PPARD: variants seen among roughly 807,000 people sequenced by gnomAD.
PPARD encodes the protein peroxisome proliferator activated receptor delta.
Under a neutral mutation model 39.5 loss-of-function variants are expected in PPARD, and 6 were observed. That is an observed-to-expected ratio of 0.15 (90% CI 0.08 to 0.30). The LOEUF (loss-of-function observed/expected upper bound fraction) is 0.30. PPARD is among the 10% of genes least tolerant of loss of function. The pLI is 1.00. For synonymous variants in PPARD, 210 were observed against 231.3 expected (o/e 0.91, Z 0.83); for missense variants, 397 against 596.8 (o/e 0.67, Z 3.49).
In PPARD at chr6:35,366,604, C is replaced by G. The variant is rs1762219354; in HGVS notation, c.-102+19454C>G. On this transcript the variant is annotated intron_variant, in intron 2 of 7. Transcript: ENST00000360694. This position sits in a 1 kb window ranked among gnomAD's most constrained non-coding sequence, Gnocchi z 4.6. ...TCACTCTGTCACCCAGGCTGGAGTG[C>G]AGTGGCATGATCTCGGCTCACTGCA... is the stretch of plus-strand genomic sequence containing the variant. Among the ~76,000 whole-genome samples, 1 of 151,092 alleles carries G rather than the reference C, an allele frequency of 6.6e-6. No individual in the cohort carries two copies. Among genetic ancestry groups the G allele is most frequent in the African/African-American group, 2.5e-5 (1 of 40,756 alleles).
At chr6:35,355,868 C>A (rs530847533) in intron 2 of PPARD, among the ~76,000 whole-genome samples, 2 of 151,758 alleles carry the variant, frequency 1.3e-5, no homozygotes, top group Admixed American at 1.3e-4. Context: ...GTCTCAGCCT[C>A]CCAAAGTGCT....
At chr6:35,383,925 C>A (rs1394994717) in intron 2 of PPARD, among the ~76,000 whole-genome samples, 1 of 137,962 alleles carries the variant, frequency 7.2e-6, no homozygotes, top group Non-Finnish European at 1.5e-5. Flanking sequence ...GCCACCCCGT[C>A]CGGGAGGGAG....
intron 2 of PPARD, among the ~76,000 whole-genome samples, chr6:35,386,800 T>C (rs1033110254): frequency 3.3e-5 from 5 of 152,040 alleles, no homozygotes; most frequent in East Asian, 1.9e-4. Flanking sequence ...GCTGTAGTCT[T>C]TCTCCTACCA....
intron 2 of PPARD, among the ~76,000 whole-genome samples, chr6:35,347,908 CTTT>C (rs149146314): frequency 1.6e-5 from 2 of 122,070 alleles, no homozygotes; most frequent in Non-Finnish European, 1.7e-5. Context: ...CGCACCTGGC[CTTT>C]TTTTTTTTTT....
intron 2 of PPARD, among the ~76,000 whole-genome samples, chr6:35,387,017 G>C (rs896149143): frequency 1.3e-5 from 2 of 151,692 alleles, no homozygotes; most frequent in East Asian, 3.9e-4. Context: ...ATATAAACTG[G>C]AAATTGATCC....
rs943335600 is a variant in PPARD at position 35,397,123 on chromosome 6, C to T, written c.-101-13864C>T. 3.0e-4 allele frequency among the ~76,000 whole-genome samples: 45 copies of T among 152,052 alleles called. 1 individual carries two copies. The highest frequency in any genetic ancestry group is 3.9e-4 in the Admixed American group (6 of 15,252). On this transcript the variant is annotated intron_variant, in intron 2 of 7. Transcript: ENST00000360694. Reference sequence around the variant, plus strand: ...AGGTGCAGGTACTGACTGGTCTTATCTTTCGCCCTGAAAATATAAACGTTT... The same window carrying T: ...AGGTGCAGGTACTGACTGGTCTTATTTTTCGCCCTGAAAATATAAACGTTT...
At chr6:35,419,687 C>G (rs1235805794) in intron 3 of PPARD, among the ~76,000 whole-genome samples, 1 of 152,214 alleles carries the variant, frequency 6.6e-6, no homozygotes. Flanking sequence ...CTGCAAAACA[C>G]GTTGCACACA....
rs1562188498 is a variant in PPARD, at chr6:35,378,190, AC to A, written c.-102+31045del. On this transcript the variant is annotated intron_variant, in intron 2 of 7. Coordinates refer to ENST00000360694, the MANE Select transcript of PPARD (RefSeq NM_006238.5). The stretch of plus-strand genomic sequence containing the variant: ...TATCTCCTTTTTTCAGCCGACTCTG[AC>A]CCCCTTGAGAGCAGGGTCTTGTTTT... 3.3e-5 allele frequency among the ~76,000 whole-genome samples: 5 copies of A among 151,712 alleles called. No individual in the cohort carries two copies. The South Asian group carries it at 1.0e-3, about 32-fold the overall frequency.
chr6:35,342,734 G>A (rs181894752), intron 1 of PPARD, 53 bp downstream of exon 1: 1 of 152,454 alleles, frequency 6.6e-6, no homozygotes, highest in East Asian at 1.9e-4. Flanking sequence ...GAAGCGCCGG[G>A]CCTGGGCCGA....
chr6:35,363,406 C>T lies in PPARD; in HGVS notation c.-102+16256C>T, dbSNP rs530461575. On this transcript the variant is annotated intron_variant, in intron 2 of 7. Coordinates refer to ENST00000360694, the MANE Select transcript of PPARD (RefSeq NM_006238.5). The surrounding 1 kb of genome is among the most constrained non-coding windows in gnomAD (Gnocchi z 4.5). ...TTCCTGTACGTCCCCTCAAAGCCTG[C>T]GCCACCGCCTCTCCCTTCACCACTC... Among the ~76,000 whole-genome samples, 26 of 152,244 alleles carry T rather than the reference C, an allele frequency of 1.7e-4. No individual in the cohort carries two copies. Among genetic ancestry groups the T allele is most frequent in the Admixed American group, 8.5e-4 (13 of 15,290 alleles).
intron 2 of PPARD, among the ~76,000 whole-genome samples, chr6:35,369,684 C>T (rs1762382997): frequency 6.6e-6 from 1 of 152,226 alleles, no homozygotes; most frequent in South Asian, 2.1e-4. Context: ...CTTTTAATAG[C>T]AGAGCGGTAT....
Position 35,374,424 on chromosome 6 carries a change from G to A in PPARD, c.-102+27274G>A, listed in dbSNP as rs372607202. On this transcript the variant is annotated intron_variant, in intron 2 of 7. Transcript: ENST00000360694. ...TGTAATCCCAGCACTTTGGGAGGCC[G>A]AGGCGGGCGGATCACAAGGTCAGGA... 3.0e-4 allele frequency among the ~76,000 whole-genome samples: 46 copies of A among 152,052 alleles called. 1 individual carries two copies. The East Asian group carries it at 6.8e-3, about 22-fold the overall frequency.
At chr6:35,388,539 C>T (rs1357714057) in intron 2 of PPARD, among the ~76,000 whole-genome samples, 1 of 152,030 alleles carries the variant, frequency 6.6e-6, no homozygotes, top group East Asian at 1.9e-4. Flanking sequence ...TAGCAAAACC[C>T]CATGTCTATT....
intron 2 of PPARD, among the ~76,000 whole-genome samples, chr6:35,393,040 T>C (rs1236088988): frequency 6.6e-6 from 1 of 152,204 alleles, no homozygotes. Flanking sequence ...CTGTTACCTC[T>C]CTTTACACTA....
chr6:35,386,535 C>T (rs1251939597), intron 2 of PPARD, among the ~76,000 whole-genome samples: 5 of 151,904 alleles, frequency 3.3e-5, no homozygotes, highest in African/African-American at 9.7e-5. Flanking sequence ...TGGTACTTGG[C>T]TTTTTGGATC....
intron 2 of PPARD, among the ~76,000 whole-genome samples, chr6:35,381,759 G>A (rs1457968744): frequency 6.6e-6 from 1 of 152,216 alleles, no homozygotes; most frequent in African/African-American, 2.4e-5. Context: ...TTGGGATTCT[G>A]TCACCAAGAA....
intron 2 of PPARD, among the ~76,000 whole-genome samples, chr6:35,406,777 T>A (rs935202553): frequency 6.6e-6 from 1 of 152,122 alleles, no homozygotes; most frequent in Non-Finnish European, 1.5e-5. Context: ...TTTTACCGGT[T>A]CTGGTGAAAA....
chr6:35,367,988 C>T (rs1017263003), intron 2 of PPARD, among the ~76,000 whole-genome samples: 2 of 152,208 alleles, frequency 1.3e-5, no homozygotes. Flanking sequence ...TAGTGGATAC[C>T]TGGATTTGAA....
chr6:35,365,574 C>T (rs1415265474), intron 2 of PPARD, among the ~76,000 whole-genome samples: 1 of 150,840 alleles, frequency 6.6e-6, no homozygotes, highest in Non-Finnish European at 1.5e-5. Flanking sequence ...TTACTGCAAC[C>T]TCTGCCTCCT....
Sources: gnomAD v4.1 joint callset for allele counts (sites outside exome capture counted in the v4.1 genomes callset) on GRCh38, gnomAD v4.1.1 for gene constraint, Gnocchi (gnomAD v3.1) non-coding constraint, MANE v1.5 for transcripts, NCBI Gene and HGNC (gene_info 2026-07-23, HGNC 2026-07-21) for gene names.